FOSB: variants seen among roughly 807,000 people sequenced by gnomAD.
FOSB encodes protein FosB.
Under a neutral mutation model 31.1 loss-of-function variants are expected in FOSB, and 8 were observed. The observed-to-expected ratio is 0.26, with a 90% CI of 0.15 to 0.46. FOSB has a LOEUF of 0.46. Ranked by LOEUF, FOSB falls within the 20% of genes least tolerant of loss-of-function variation. The pLI is 0.99. For synonymous variants in FOSB, 214 were observed against 206.1 expected, an observed-to-expected ratio of 1.04 and a Z score of -0.33; for missense variants, 376 against 460.6, an observed-to-expected ratio of 0.82 and a Z score of 1.68.
At chr19:45,471,494 G>A (rs865985278) in intron 3 of FOSB, 193 bp downstream of exon 3, 1 of 415,322 alleles carries the variant, frequency 2.4e-6, no homozygotes, top group South Asian at 3.3e-5. Flanking sequence ...GTCAACTCCT[G>A]GTCCCCCCCC....
At position 45,472,772 on chromosome 19, in the gene FOSB, G is replaced by T. The variant is rs1010929595; in HGVS notation, c.777G>T (p.Pro259=). Residue 259 remains proline (P), a synonymous_variant, in exon 4 of 4, where the codon CCG becomes CCT. Transcript: ENST00000353609. This position sits in a 1 kb window ranked among gnomAD's most constrained non-coding sequence, Gnocchi z 5.4. ...EDGFSWLLPP[P]PPPPLPFQTS... ...GCTTCAGCTGGCTGCTGCCGCCCCC[G>T]CCACCACCGCCCCTGCCCTTCCAGA... The T allele has an allele frequency of 6.2e-7, 1 of 1,613,672 alleles. No homozygotes were observed. Among genetic ancestry groups the T allele is most frequent in the South Asian group, 1.1e-5 (1 of 91,066 alleles).
rs1265766490 is a variant in FOSB at position 45,473,010 on chromosome 19, T to G, written c.1015T>G (p.Ter339GlyextTer3). 6.2e-7 allele frequency: 1 copy of G among 1,606,610 alleles called. No homozygotes were observed. The highest frequency in any genetic ancestry group is 2.2e-5 in the East Asian group (1 of 44,862). Residue 339 changes from the stop codon to glycine (G), a stop_lost, in exon 4 of 4, where the codon TGA becomes GGA. Transcript: ENST00000353609. ...GAACTCGCCCTCCCTCCTCGCTCTGTGAACTCTTTAGACACACAAAACAAA... is the reference window on the plus strand; with the variant it reads ...GAACTCGCCCTCCCTCCTCGCTCTGGGAACTCTTTAGACACACAAAACAAA... ...PLNSPSLLAL* is the reference protein window; with the variant it reads ...PLNSPSLLALG
In FOSB at chr19:45,473,166, TG is replaced by T. The variant is rs1967743052; in HGVS notation, c.*155del. 1.5e-6 allele frequency: 1 copy of T among 663,022 alleles called. No homozygotes were observed. Among genetic ancestry groups the T allele is most frequent in the African/African-American group, 1.8e-5 (1 of 55,008 alleles). 41.1% of individuals were successfully genotyped at this position (663,022 alleles called of 1,614,324 possible). A position where few individuals can be genotyped will look rare whatever the true frequency, so the allele number is the denominator to read the frequency against. On this transcript the variant is annotated 3_prime_UTR_variant, in exon 4 of 4. Transcript: ENST00000353609. ...TGACCCTCTGCGGCCACTGCGCCAC[TG>T]CCATCGGACAGGAGGATTCCTTGTG... is the stretch of plus-strand genomic sequence containing the variant.
At chr19:45,471,516 C>CGA in intron 3 of FOSB, 1 of 410,298 alleles carries the variant, frequency 2.4e-6, no homozygotes, top group Non-Finnish European at 4.4e-6. Flanking sequence ...ATTTCCTGAC[C>CGA]CCACGGACTA....
intron 1 of FOSB, among the ~76,000 whole-genome samples, chr19:45,469,086 G>A (rs933305001): frequency 3.3e-5 from 5 of 152,226 alleles, no homozygotes; most frequent in Non-Finnish European, 7.3e-5. Context: ...GGAAATCCCG[G>A]GGAAGCTTCC....
At position 45,474,971 on chromosome 19, in the gene FOSB, A is replaced by G. The variant is rs556327800; in HGVS notation, c.*1959A>G. 35 of 152,202 alleles carry G rather than the reference A, an allele frequency of 2.3e-4. No individual in the cohort carries two copies. The highest frequency in any genetic ancestry group is 7.9e-4 in the African/African-American group (33 of 41,520). The allele number at this position is 152,202 out of a possible 1,614,324, so 9.4% of individuals were successfully genotyped here. ...ATTTTTACAATCTGTATCTTTGACA[A>G]TTCTGGGTGCGAGTGTGAGAGTGTG... On this transcript the variant is annotated 3_prime_UTR_variant, in exon 4 of 4. Coordinates refer to ENST00000353609, the MANE Select transcript of FOSB (RefSeq NM_006732.3).
chr19:45,471,174 C>T lies in FOSB; in HGVS notation c.448-20C>T, dbSNP rs28381245. On this transcript the variant is annotated intron_variant, in intron 2 of 3. Transcript: ENST00000353609. ...AGTGCTGTATCCCCAAATCTCATGG[C>T]CTCTATCTCCCTGACTCAGCTCACC... 1,894 of 1,546,422 alleles carry T rather than the reference C, an allele frequency of 1.2e-3. 19 individuals are homozygous for T. In the African/African-American group the frequency reaches 0.023, roughly 19 times the overall value.
At chr19:45,469,271 C>T (rs1173044359) in intron 1 of FOSB, among the ~76,000 whole-genome samples, 1 of 152,206 alleles carries the variant, frequency 6.6e-6, no homozygotes, top group Admixed American at 6.5e-5. Context: ...CTCCGTCTGA[C>T]GCGGGGCACG....
rs1967742558 is a variant in FOSB at position 45,473,152 on chromosome 19, GGCCACTGC to G, written c.*149_*156del. 1.4e-6 allele frequency: 1 copy of G among 721,400 alleles called. No individual in the cohort carries two copies. The highest frequency in any genetic ancestry group is 2.3e-6 in the Non-Finnish European group (1 of 436,028). The allele number at this position is 721,400 out of a possible 1,614,324, so 44.7% of individuals were successfully genotyped here. ...CTGGCTCCTCCGTCTGACCCTCTGCGGCCACTGCGCCACTGCCATCGGACAGGAGGATT... is the reference window on the plus strand; with the variant it reads ...CTGGCTCCTCCGTCTGACCCTCTGCGGCCACTGCCATCGGACAGGAGGATT... On this transcript the variant is annotated 3_prime_UTR_variant, in exon 4 of 4. Coordinates refer to ENST00000353609, the MANE Select transcript of FOSB (RefSeq NM_006732.3).
chr19:45,470,488 T>C (rs1309597973), intron 1 of FOSB, 141 bp from the exon 2 acceptor site: 4 of 836,000 alleles, frequency 4.8e-6, no homozygotes, highest in Non-Finnish European at 7.5e-6. Flanking sequence ...TGTTGTGGCT[T>C]TTTCCCTGTG....
Position 45,473,231 on chromosome 19 carries a change from G to A in FOSB, c.*219G>A, listed in dbSNP as rs1967745427. The A allele has an allele frequency of 5.3e-6, 3 of 567,918 alleles. No homozygotes were observed. Among genetic ancestry groups the A allele is most frequent in the Non-Finnish European group, 9.3e-6 (3 of 322,690 alleles). 35.2% of individuals were successfully genotyped at this position (567,918 alleles called of 1,614,324 possible). On this transcript the variant is annotated 3_prime_UTR_variant, in exon 4 of 4. Transcript: ENST00000353609. ...CTTGTTTCTGTGCCCCGGCGAGGCCGGAGAGCTGGTGACTTTGGGGACAGG... is the reference window on the plus strand; with the variant it reads ...CTTGTTTCTGTGCCCCGGCGAGGCCAGAGAGCTGGTGACTTTGGGGACAGG...
In FOSB at chr19:45,468,185, GTCT is replaced by G; in HGVS notation, c.-397_-395del. ...TTGGAGGACCGACTTACTTTTTTTG[GTCT>G]TCTTTATTACTCCCCTCCCCCCGTG... On this transcript the variant is annotated 5_prime_UTR_variant, in exon 1 of 4. Transcript: ENST00000353609. The surrounding 1 kb of genome is among the most constrained non-coding windows in gnomAD (Gnocchi z 4.8). 1 of 162,914 alleles carries G rather than the reference GTCT, an allele frequency of 6.1e-6. No homozygotes were observed. Among genetic ancestry groups the G allele is most frequent in the East Asian group, 1.8e-4 (1 of 5,592 alleles). The allele number at this position is 162,914 out of a possible 1,614,324, so 10.1% of individuals were successfully genotyped here.
chr19:45,468,695 A>G lies in FOSB; in HGVS notation c.109A>G (p.Thr37Ala). The change falls in exon 1 of 4, where the codon ACC becomes GCC. Residue 37 changes from threonine to alanine, a missense_variant. This residue lies in a region of FOSB where 193 missense variants were observed against 207.1 expected (regional missense o/e 0.93). Coordinates refer to ENST00000353609, the MANE Select transcript of FOSB (RefSeq NM_006732.3). This position sits in a 1 kb window ranked among gnomAD's most constrained non-coding sequence, Gnocchi z 4.8. ...SSVDSFGSPP[T>A]AAASQECAGL... ...GGTGGACTCCTTCGGCAGTCCACCC[A>G]CCGCCGCCGCCTCCCAGGTAAGTTT... 6.2e-7 allele frequency: 1 copy of G among 1,607,448 alleles called. No homozygotes were observed. Among genetic ancestry groups the G allele is most frequent in the Non-Finnish European group, 8.5e-7 (1 of 1,178,114 alleles).
At position 45,474,277 on chromosome 19, in the gene FOSB, C is replaced by T. The variant is rs987815967; in HGVS notation, c.*1265C>T. 1 of 152,334 alleles carries T rather than the reference C, an allele frequency of 6.6e-6. No homozygotes were observed. The highest frequency in any genetic ancestry group is 1.5e-5 in the Non-Finnish European group (1 of 68,014). The allele number at this position is 152,334 out of a possible 1,614,324, so 9.4% of individuals were successfully genotyped here. A position where few individuals can be genotyped will look rare whatever the true frequency, so the allele number is the denominator to read the frequency against. On this transcript the variant is annotated 3_prime_UTR_variant, in exon 4 of 4. Transcript: ENST00000353609. Reference sequence around the variant, plus strand: ...GAGCTGAGGCTTTGGTACCCCCAAACCCCCAATATTTTTGGACTGGCAGAC... The same window carrying T: ...GAGCTGAGGCTTTGGTACCCCCAAATCCCCAATATTTTTGGACTGGCAGAC...
rs1478848470 is a variant in FOSB at position 45,470,778 on chromosome 19, G to T, written c.276G>T (p.Pro92=). Residue 92 remains proline, a synonymous_variant, in exon 2 of 4, where the codon CCG becomes CCT. Transcript: ENST00000353609. The part of the protein sequence containing the change: ...SQGQPLASQP[P]VVDPYDMPGT... Reference sequence around the variant, plus strand: ...GGCAGCCACTGGCCTCCCAGCCCCCGGTCGTCGACCCCTACGACATGCCGG... The same window carrying T: ...GGCAGCCACTGGCCTCCCAGCCCCCTGTCGTCGACCCCTACGACATGCCGG... The T allele has an allele frequency of 1.2e-6, 2 of 1,613,896 alleles. No homozygotes were observed.
chr19:45,471,524 C>G, intron 3 of FOSB: 1 of 402,184 alleles, frequency 2.5e-6, no homozygotes, highest in South Asian at 3.4e-5. Context: ...ACCCCACGGA[C>G]TACTCTCCTA....
In FOSB at chr19:45,468,696, C is replaced by A. The variant is rs757705336; in HGVS notation, c.110C>A (p.Thr37Asn). The change falls in exon 1 of 4, where the codon ACC becomes AAC. Residue 37 changes from threonine to asparagine, a missense_variant. Around this residue, in one of 3 missense-constraint regions of FOSB, gnomAD observed 193 missense variants for 207.1 expected, o/e 0.93. Coordinates refer to ENST00000353609, the MANE Select transcript of FOSB (RefSeq NM_006732.3). The surrounding 1 kb of genome is among the most constrained non-coding windows in gnomAD (Gnocchi z 4.8). ...GTGGACTCCTTCGGCAGTCCACCCA[C>A]CGCCGCCGCCTCCCAGGTAAGTTTT... ...SSVDSFGSPP[T>N]AAASQECAGL... 1.9e-6 allele frequency: 3 copies of A among 1,606,560 alleles called. No individual in the cohort carries two copies. Among genetic ancestry groups the A allele is most frequent in the Admixed American group, 3.5e-5 (2 of 57,554 alleles).
chr19:45,472,816 C>A lies in FOSB; in HGVS notation c.821C>A (p.Pro274His). ...TTCCAGACCAGCCAAGACGCACCCC[C>A]CAACCTGACGGCTTCTCTCTTTACA... ...LPFQTSQDAP[P>H]NLTASLFTHS... The change falls in exon 4 of 4, where the codon CCC becomes CAC. Residue 274 changes from proline to histidine, a missense_variant. Coordinates refer to ENST00000353609, the MANE Select transcript of FOSB (RefSeq NM_006732.3). This position sits in a 1 kb window ranked among gnomAD's most constrained non-coding sequence, Gnocchi z 5.4. The A allele has an allele frequency of 3.1e-6, 5 of 1,614,210 alleles. No individual in the cohort carries two copies. The highest frequency in any genetic ancestry group is 2.2e-5 in the East Asian group (1 of 44,884).
chr19:45,469,466 C>T (rs931340323), intron 1 of FOSB, among the ~76,000 whole-genome samples: 1 of 152,328 alleles, frequency 6.6e-6, no homozygotes, highest in Non-Finnish European at 1.5e-5. Context: ...CTTCCCCCCT[C>T]TCTGTCCCCG....
Sources: gnomAD v4.1 joint callset for allele counts (sites outside exome capture counted in the v4.1 genomes callset) on GRCh38, gnomAD v4.1.1 for gene constraint, gnomAD v4.1.1 regional missense constraint, Gnocchi (gnomAD v3.1) non-coding constraint, MANE v1.5 for transcripts, NCBI Gene and HGNC (gene_info 2026-07-23, HGNC 2026-07-21) for gene names.